The following ZNF660 variants were observed in gnomAD, a reference collection of about 807,000 sequenced individuals.
The protein encoded by ZNF660 is zinc finger protein 660.
ZNF660 carries 24 observed loss-of-function variants against 23.2 expected under a neutral mutation model. The ratio of observed to expected loss-of-function variants is 1.04; its 90% CI spans 0.75 to 1.46. The LOEUF (loss-of-function observed/expected upper bound fraction) is 1.46, where lower values mean the gene tolerates loss of function less well. Among genes scored for constraint, ZNF660 ranks in the 40% most tolerant of loss-of-function variants. ZNF660 has a pLI of 0.00. For missense variants in ZNF660, 373 were observed against 396.8 expected, an observed-to-expected ratio of 0.94 and a Z score of 0.51; for synonymous variants, 117 against 131.4, an observed-to-expected ratio of 0.89 and a Z score of 0.75.
At chr3:44,585,161 C>T (rs985134463) in intron 1 of ZNF660, among the ~76,000 whole-genome samples, 154 bp downstream of exon 1, 2 of 152,152 alleles carry the variant, frequency 1.3e-5, no homozygotes, top group African/African-American at 4.8e-5. Context: ...CCCTTTCTCT[C>T]GTTCAGTGCT....
rs922112367 is a variant in ZNF660, at chr3:44,596,698, C to T, written c.*1509C>T. 4 of 152,194 alleles carry T rather than the reference C, an allele frequency of 2.6e-5. No individual in the cohort carries two copies. The highest frequency in any genetic ancestry group is 9.7e-5 in the African/African-American group (4 of 41,442). 9.4% of individuals were successfully genotyped at this position (152,194 alleles called of 1,614,324 possible). On this transcript the variant is annotated 3_prime_UTR_variant, in exon 3 of 3. Coordinates refer to ENST00000322734, the MANE Select transcript of ZNF660 (RefSeq NM_173658.4). The stretch of plus-strand genomic sequence containing the variant: ...AGACAGTGGCCACAGCTGCATCTTG[C>T]CTTCACACAACTCCTTCAGATTGGG...
rs1454850843 is a variant in ZNF660 at position 44,595,951 on chromosome 3, T to G, written c.*762T>G. 1 of 167,100 alleles carries G rather than the reference T, an allele frequency of 6.0e-6. No homozygotes were observed. Among genetic ancestry groups the G allele is most frequent in the East Asian group, 1.9e-4 (1 of 5,198 alleles). The allele number at this position is 167,100 out of a possible 1,614,324, so 10.4% of individuals were successfully genotyped here. Reference sequence around the variant, plus strand: ...AAAATATATAATAACACTGTTAGGTTAAAAGAACACAGCAAAAATTCACTG... The same window carrying G: ...AAAATATATAATAACACTGTTAGGTGAAAAGAACACAGCAAAAATTCACTG... On this transcript the variant is annotated 3_prime_UTR_variant, in exon 3 of 3. Coordinates refer to ENST00000322734, the MANE Select transcript of ZNF660 (RefSeq NM_173658.4).
rs375938341 is a variant in ZNF660, at chr3:44,594,842, C to T, written c.649C>T (p.Pro217Ser). The T allele has an allele frequency of 1.9e-6, 3 of 1,614,114 alleles. No homozygotes were observed. Among genetic ancestry groups the T allele is most frequent in the Non-Finnish European group, 2.5e-6 (3 of 1,180,016 alleles). Residue 217 changes from proline to serine, a missense_variant, in exon 3 of 3, where the codon CCT (proline) becomes TCT (serine). Transcript: ENST00000322734. The part of the protein sequence containing the change: ...DHQRIHTGEK[P>S]YECDECGKTF... Reference sequence around the variant, plus strand: ...TCAGAGAATTCACACTGGAGAGAAGCCTTATGAATGTGATGAGTGTGGAAA... The same window carrying T: ...TCAGAGAATTCACACTGGAGAGAAGTCTTATGAATGTGATGAGTGTGGAAA...
chr3:44,591,894 G>C (rs1700441350), intron 2 of ZNF660, among the ~76,000 whole-genome samples: 1 of 152,196 alleles, frequency 6.6e-6, no homozygotes, highest in African/African-American at 2.4e-5. Flanking sequence ...CTACTCAGGA[G>C]GGTGAGGCAG....
intron 2 of ZNF660, among the ~76,000 whole-genome samples, chr3:44,592,911 G>C (rs1389414986): frequency 6.6e-6 from 1 of 152,140 alleles, no homozygotes; most frequent in East Asian, 1.9e-4. Flanking sequence ...AAATTAGCCA[G>C]GCGTGGTGGC....
At chr3:44,585,880 T>C (rs533242775) in intron 1 of ZNF660, among the ~76,000 whole-genome samples, 3 of 152,272 alleles carry the variant, frequency 2.0e-5, no homozygotes, top group Admixed American at 2.0e-4. Context: ...GGAATTAGGA[T>C]TTCCTGAAGA....
Position 44,597,610 on chromosome 3 carries a change from A to G in ZNF660, c.*2421A>G, listed in dbSNP as rs1166811638. 3 of 152,224 alleles carry G rather than the reference A, an allele frequency of 2.0e-5. No homozygotes were observed. Among genetic ancestry groups the G allele is most frequent in the Non-Finnish European group, 4.4e-5 (3 of 68,042 alleles). The allele number at this position is 152,224 out of a possible 1,614,324, so 9.4% of individuals were successfully genotyped here. A position where few individuals can be genotyped will look rare whatever the true frequency, so the allele number is the denominator to read the frequency against. ...TAGCATTCATGGACAAGCCTGGTCTATCATTCCTGAGCAGAATTGTTGATG... is the reference window on the plus strand; with the variant it reads ...TAGCATTCATGGACAAGCCTGGTCTGTCATTCCTGAGCAGAATTGTTGATG... On this transcript the variant is annotated 3_prime_UTR_variant, in exon 3 of 3. Transcript: ENST00000322734. This position sits in a 1 kb window ranked among gnomAD's most constrained non-coding sequence, Gnocchi z 4.1.
In ZNF660 at chr3:44,594,642, TA is replaced by T. The variant is rs750160736; in HGVS notation, c.450del (p.Ser151HisfsTer79). The T allele has an allele frequency of 1.2e-6, 2 of 1,613,856 alleles. No homozygotes were observed. Among genetic ancestry groups the T allele is most frequent in the Non-Finnish European group, 1.7e-6 (2 of 1,179,972 alleles). On this transcript the variant is annotated frameshift_variant, in exon 3 of 3. Coordinates refer to ENST00000322734, the MANE Select transcript of ZNF660 (RefSeq NM_173658.4). LOFTEE classifies it high-confidence loss of function. ...GKAFSRSSGLISHHRVHTGEK... is the reference protein window; with the variant it reads ...GKAFSRSSGLXSHHRVHTGEK... ...GCCTTTAGTCGGAGTTCGGGCCTTA[TA>T]TCACATCACAGAGTTCACACCGGAG...
Position 44,595,026 on chromosome 3 carries a change from A to C in ZNF660, c.833A>C (p.Glu278Ala), listed in dbSNP as rs1353641159. The change falls in exon 3 of 3, where the codon GAA (glutamate) becomes GCA (alanine). Residue 278 changes from glutamate to alanine, a missense_variant. Coordinates refer to ENST00000322734, the MANE Select transcript of ZNF660 (RefSeq NM_173658.4). ...GGAGAGAAACCCTATAAATGTAATGAATGTGGGAAAACCTTCAGGCAGACT... is the reference window on the plus strand; with the variant it reads ...GGAGAGAAACCCTATAAATGTAATGCATGTGGGAAAACCTTCAGGCAGACT... ...HTGEKPYKCN[E>A]CGKTFRQTSQ... 2.5e-6 allele frequency: 4 copies of C among 1,613,966 alleles called. No individual in the cohort carries two copies. In the African/African-American group the frequency reaches 5.3e-5, roughly 22 times the overall value.
Position 44,594,479 on chromosome 3 carries a change from C to G in ZNF660, c.286C>G (p.His96Asp). Residue 96 changes from histidine to aspartate, a missense_variant, in exon 3 of 3, where the codon CAT (histidine) becomes GAT (aspartate). Transcript: ENST00000322734. ...AFSHSSNLVV[H>D]RRIHTGLKPY... ...CAGTCATAGCTCTAACCTTGTTGTT[C>G]ATCGGAGAATCCACACTGGACTGAA... The G allele has an allele frequency of 6.2e-7, 1 of 1,614,084 alleles. No individual in the cohort carries two copies. The highest frequency in any genetic ancestry group is 8.5e-7 in the Non-Finnish European group (1 of 1,180,024).
At chr3:44,593,017 C>T (rs1700481677) in intron 2 of ZNF660, among the ~76,000 whole-genome samples, 6 of 151,546 alleles carry the variant, frequency 4.0e-5, no homozygotes, top group Admixed American at 3.3e-4. Context: ...CGTGCCACTG[C>T]ACTCCAGCCT....
In ZNF660 at chr3:44,594,009, G is replaced by C. The variant is rs1316082385; in HGVS notation, c.-180-5G>C. 3 of 754,472 alleles carry C rather than the reference G, an allele frequency of 4.0e-6. No homozygotes were observed. The highest frequency in any genetic ancestry group is 3.5e-5 in the African/African-American group (2 of 57,908). 46.7% of individuals were successfully genotyped at this position (754,472 alleles called of 1,614,324 possible). A position where few individuals can be genotyped will look rare whatever the true frequency, so the allele number is the denominator to read the frequency against. On this transcript the variant is annotated splice_polypyrimidine_tract_variant and splice_region_variant and intron_variant, in intron 2 of 2. Coordinates refer to ENST00000322734, the MANE Select transcript of ZNF660 (RefSeq NM_173658.4). ...GACATGTGCAATTTCTGTTTCTCCT[G>C]TCAGATGGTGAAACTGGGACTGAGG... is the stretch of plus-strand genomic sequence containing the variant.
In ZNF660 at chr3:44,598,453, T is replaced by G. The variant is rs1050080974; in HGVS notation, c.*3264T>G. The G allele has an allele frequency of 3.9e-5, 6 of 151,972 alleles. No homozygotes were observed. The highest frequency in any genetic ancestry group is 6.6e-5 in the Admixed American group (1 of 15,240). 9.4% of individuals were successfully genotyped at this position (151,972 alleles called of 1,614,324 possible). On this transcript the variant is annotated 3_prime_UTR_variant, in exon 3 of 3. Coordinates refer to ENST00000322734, the MANE Select transcript of ZNF660 (RefSeq NM_173658.4). ...ATGAGCCACTGCACCTGGCTTTATTTATATGTGTATTTATTTATTTATTTA... is the reference window on the plus strand; with the variant it reads ...ATGAGCCACTGCACCTGGCTTTATTGATATGTGTATTTATTTATTTATTTA...
intron 2 of ZNF660, among the ~76,000 whole-genome samples, chr3:44,588,511 T>C (rs1253675400): frequency 6.6e-6 from 1 of 152,088 alleles, no homozygotes; most frequent in Non-Finnish European, 1.5e-5. Flanking sequence ...TGTTTTTTTA[T>C]TTTTTTAATG....
Position 44,594,466 on chromosome 3 carries a change from T to C in ZNF660, c.273T>C (p.Ser91=), listed in dbSNP as rs149406925. 1.9e-6 allele frequency: 3 copies of C among 1,614,018 alleles called. No homozygotes were observed. The highest frequency in any genetic ancestry group is 2.5e-6 in the Non-Finnish European group (3 of 1,180,006). Residue 91 remains serine (S), a synonymous_variant, in exon 3 of 3, where the codon TCT becomes TCC. Coordinates refer to ENST00000322734, the MANE Select transcript of ZNF660 (RefSeq NM_173658.4). ...GTGGAAAAGCTTTCAGTCATAGCTC[T>C]AACCTTGTTGTTCATCGGAGAATCC... ...KECGKAFSHS[S]NLVVHRRIHT... is the part of the protein sequence containing the mutation.
intron 2 of ZNF660, among the ~76,000 whole-genome samples, chr3:44,588,041 G>A (rs1700286045): frequency 6.6e-6 from 1 of 152,138 alleles, no homozygotes; most frequent in Non-Finnish European, 1.5e-5. Flanking sequence ...GGCAACAAGA[G>A]CGAAACTTCG....
chr3:44,592,757 A>T (rs1331737146), intron 2 of ZNF660, among the ~76,000 whole-genome samples: 1 of 152,154 alleles, frequency 6.6e-6, no homozygotes, highest in Non-Finnish European at 1.5e-5. Flanking sequence ...CTTGCATATA[A>T]AACTGGATCC....
At chr3:44,588,012 G>T (rs889677374) in intron 2 of ZNF660, among the ~76,000 whole-genome samples, 1 of 152,162 alleles carries the variant, frequency 6.6e-6, no homozygotes, top group Non-Finnish European at 1.5e-5. Context: ...CTGAGATCAC[G>T]CCATTGCACT....
chr3:44,586,476 A>C (rs1321669222), intron 2 of ZNF660: 1 of 152,188 alleles, frequency 6.6e-6, no homozygotes, highest in East Asian at 1.9e-4. Flanking sequence ...CTTTCCTCTA[A>C]GTTCCAAGTT....
Sources: gnomAD v4.1 joint callset for allele counts (sites outside exome capture counted in the v4.1 genomes callset) on GRCh38, gnomAD v4.1.1 for gene constraint, Gnocchi (gnomAD v3.1) non-coding constraint, MANE v1.5 for transcripts, NCBI Gene and HGNC (gene_info 2026-07-23, HGNC 2026-07-21) for gene names.